The following PTPRS variants were observed in gnomAD, a reference collection of about 807,000 sequenced individuals.
The protein encoded by PTPRS is receptor-type tyrosine-protein phosphatase S.
PTPRS carries 63 observed loss-of-function variants against 215.3 expected under a neutral mutation model. The observed-to-expected ratio is 0.29, with a 90% CI of 0.24 to 0.36. PTPRS has a LOEUF of 0.36. Ranked by LOEUF, PTPRS falls within the 10% of genes least tolerant of loss-of-function variation. The pLI, the probability that PTPRS is intolerant of heterozygous loss-of-function variation, is 1.00. For synonymous variants in PTPRS, 1,404 were observed against 1,191.4 expected, an observed-to-expected ratio of 1.18 and a Z score of -3.68; for missense variants, 2,258 against 2,825.8, an observed-to-expected ratio of 0.80 and a Z score of 4.56.
intron 1 of PTPRS, among the ~76,000 whole-genome samples, chr19:5,308,454 C>T (rs1271522990): frequency 6.6e-6 from 1 of 152,192 alleles, no homozygotes; most frequent in Non-Finnish European, 1.5e-5. Flanking sequence ...AAGCAAACAG[C>T]TGAAGCCCAG....
At chr19:5,248,388 GA>G (rs201415806) in intron 9 of PTPRS, among the ~76,000 whole-genome samples, 30,532 of 145,226 alleles carry the variant, frequency 0.21, 3,863 homozygotes, top group Non-Finnish European at 0.3. Context: ...AAAGCAAGAA[GA>G]AAAAAAAAAA....
chr19:5,228,537 T>A (rs981250464), intron 16 of PTPRS, among the ~76,000 whole-genome samples: 6 of 151,658 alleles, frequency 4.0e-5, no homozygotes, highest in African/African-American at 1.5e-4. Context: ...AGAGAAGGGG[T>A]TTTGCCCTGT....
At position 5,219,942 on chromosome 19, in the gene PTPRS, C is replaced by G. The variant is rs1471464737; in HGVS notation, c.3762G>C (p.Glu1254Asp). 1 of 1,613,566 alleles carries G rather than the reference C, an allele frequency of 6.2e-7. No individual in the cohort carries two copies. The highest frequency in any genetic ancestry group is 1.3e-5 in the African/African-American group (1 of 75,050). ...LFVLAVLQKS[E>D]PTFAASPFSD... Reference sequence around the variant, plus strand: ...GCGGACACCATTCAGGACTTACAGGCTCGCTCTTCTGAAGCACGGCAAGCA... The same window carrying G: ...GCGGACACCATTCAGGACTTACAGGGTCGCTCTTCTGAAGCACGGCAAGCA... The change falls in exon 22 of 38, where the codon GAG becomes GAC. Residue 1254 changes from glutamate to aspartate, a missense_variant. By Grantham distance (45) the Glu-to-Asp change is conservative. Coordinates refer to ENST00000262963, the MANE Select transcript of PTPRS (RefSeq NM_002850.4).
At chr19:5,317,419 T>C (rs2049907418) in intron 1 of PTPRS, among the ~76,000 whole-genome samples, 2 of 151,622 alleles carry the variant, frequency 1.3e-5, no homozygotes, top group African/African-American at 4.9e-5. Flanking sequence ...TTGCAGTGAG[T>C]CGAGATTGTG....
chr19:5,207,321 G>A (rs1476434996), intron 37 of PTPRS, among the ~76,000 whole-genome samples: 9 of 152,216 alleles, frequency 5.9e-5, no homozygotes, highest in Non-Finnish European at 1.3e-4. Context: ...CTGACCTCGG[G>A]TGATCTGCCT....
intron 25 of PTPRS, among the ~76,000 whole-genome samples, chr19:5,217,146 G>A (rs1034690918): frequency 1.3e-5 from 2 of 152,230 alleles, no homozygotes; most frequent in African/African-American, 4.8e-5. Flanking sequence ...GCAGGGAAAG[G>A]ACATATGGGC....
chr19:5,321,276 A>G (rs2050017760), intron 1 of PTPRS, among the ~76,000 whole-genome samples: 2 of 152,328 alleles, frequency 1.3e-5, no homozygotes, highest in East Asian at 3.9e-4. Context: ...CTGTCTCAAC[A>G]AAGAAAAATA....
At chr19:5,273,249 T>C (rs1421245452) in intron 4 of PTPRS, 193 bp downstream of exon 4, 4 of 675,632 alleles carry the variant, frequency 5.9e-6, no homozygotes, top group Non-Finnish European at 1.0e-5. Context: ...CTTTCTTTCT[T>C]GCAAAGGCAC....
intron 28 of PTPRS, among the ~76,000 whole-genome samples, chr19:5,214,970 C>T (rs2041284332): frequency 6.6e-6 from 1 of 152,248 alleles, no homozygotes; most frequent in Non-Finnish European, 1.5e-5. Flanking sequence ...GCATCCCTGG[C>T]CTCCGCCCAC....
intron 1 of PTPRS, among the ~76,000 whole-genome samples, chr19:5,336,752 C>A (rs1446812088): frequency 8.5e-6 from 1 of 117,636 alleles, no homozygotes; most frequent in Non-Finnish European, 1.7e-5. Flanking sequence ...CTGTCCCCAC[C>A]GGAGGCTGAG....
chr19:5,333,869 G>A (rs1040854811), intron 1 of PTPRS, among the ~76,000 whole-genome samples: 7 of 152,144 alleles, frequency 4.6e-5, no homozygotes, highest in Admixed American at 2.0e-4. Flanking sequence ...GTGAATATTC[G>A]AATGAATGCA....
chr19:5,332,777 A>G (rs1238307242), intron 1 of PTPRS, among the ~76,000 whole-genome samples: 1 of 152,228 alleles, frequency 6.6e-6, no homozygotes, highest in East Asian at 1.9e-4. Flanking sequence ...AGCATTCCCA[A>G]CATTCCAGGT....
rs1181690388 is a variant in PTPRS at position 5,210,505 on chromosome 19, C to T, written c.5451G>A (p.Gln1817=). The change falls in exon 35 of 38, where the codon CAG becomes CAA. Residue 1817 remains glutamine, a synonymous_variant. Coordinates refer to ENST00000262963, the MANE Select transcript of PTPRS (RefSeq NM_002850.4). The surrounding 1 kb of genome is among the most constrained non-coding windows in gnomAD (Gnocchi z 4.5). ...TGACCTTGAACTCTCGCAGGATATA[C>T]TGAGGCATGTTGTATTCTGCCATCG... ...VDPMAEYNMP[Q]YILREFKVTD... is the part of the protein sequence containing the mutation. 5.6e-6 allele frequency: 9 copies of T among 1,614,110 alleles called. No homozygotes were observed. The highest frequency in any genetic ancestry group is 4.0e-5 in the African/African-American group (3 of 74,948).
rs1217405014 is a variant in PTPRS, at chr19:5,257,108, C to G, written c.706+909G>C. 6.7e-6 allele frequency among the ~76,000 whole-genome samples: 1 copy of G among 150,162 alleles called. No homozygotes were observed. The highest frequency in any genetic ancestry group is 1.5e-5 in the Non-Finnish European group (1 of 67,576). ...GTGAAAGGGAGGAGGAGGAGGAAGA[C>G]TACAACTTCTGAAAAGACCCAAGAG... On this transcript the variant is annotated intron_variant, in intron 8 of 37. Transcript: ENST00000262963. The surrounding 1 kb of genome is among the most constrained non-coding windows in gnomAD (Gnocchi z 4.4).
Position 5,222,825 on chromosome 19 carries a change from C to G in PTPRS, c.2967G>C (p.Pro989=), listed in dbSNP as rs199735176. 1.9e-6 allele frequency: 3 copies of G among 1,595,166 alleles called. No individual in the cohort carries two copies. The highest frequency in any genetic ancestry group is 2.5e-6 in the Non-Finnish European group (3 of 1,177,046). Residue 989 remains proline, a synonymous_variant, in exon 18 of 38, where the codon CCG becomes CCC. Transcript: ENST00000262963. ...RETELPAAAE[P]GAENALTLQG... is the part of the protein sequence containing the mutation. ...GCAGCGTGAGCGCGTTCTCCGCGCCCGGCTCAGCCGCTGCCGGCAGCTCAG... is the reference window on the plus strand; with the variant it reads ...GCAGCGTGAGCGCGTTCTCCGCGCCGGGCTCAGCCGCTGCCGGCAGCTCAG...
At position 5,222,867 on chromosome 19, in the gene PTPRS, C is replaced by G. The variant is rs1333970926; in HGVS notation, c.2925G>C (p.Leu975=). The change falls in exon 18 of 38, where the codon CTG becomes CTC. Residue 975 remains leucine, a synonymous_variant. Transcript: ENST00000262963. The stretch of plus-strand genomic sequence containing the variant: ...GCAGCTCAGTCTCTCGGGCAGGGCC[C>G]AGGGCACCGGCCTCCCGCACGGCCA... ...YTVAVREAGA[L]GPARETELPA... 1 of 1,586,128 alleles carries G rather than the reference C, an allele frequency of 6.3e-7. No homozygotes were observed. The highest frequency in any genetic ancestry group is 8.5e-7 in the Non-Finnish European group (1 of 1,172,488).
At chr19:5,216,809 G>A in intron 25 of PTPRS, 42 bp from the exon 26 acceptor site, 2 of 1,401,162 alleles carry the variant, frequency 1.4e-6, no homozygotes, top group Non-Finnish European at 9.9e-7. Flanking sequence ...CATGCAGGGG[G>A]TAGGGGGGGG....
rs1055074457 is a variant in PTPRS, at chr19:5,216,659, CAA to C, written c.4096+59_4096+60del. 48 of 1,355,144 alleles carry C rather than the reference CAA, an allele frequency of 3.5e-5. No individual in the cohort carries two copies. The African/African-American group carries it at 4.5e-4, about 13-fold the overall frequency. The allele number at this position is 1,355,144 out of a possible 1,614,324, so 83.9% of individuals were successfully genotyped here. On this transcript the variant is annotated intron_variant, in intron 26 of 37. Transcript: ENST00000262963. ...GAGACAGGAGACACGATGGAGAAAC[CAA>C]AGAGGAAATGAACGGGGGCGGGGGC...
At chr19:5,332,279 C>T (rs1324811169) in intron 1 of PTPRS, among the ~76,000 whole-genome samples, 1 of 152,160 alleles carries the variant, frequency 6.6e-6, no homozygotes, top group Non-Finnish European at 1.5e-5. Flanking sequence ...AGGTATGCAC[C>T]ACCATGCCCA....
Sources: allele counts gnomAD v4.1 joint callset (sites outside exome capture counted in the v4.1 genomes callset), GRCh38; gene constraint gnomAD v4.1.1; non-coding constraint Gnocchi (gnomAD v3.1); transcripts MANE v1.5; gene names NCBI Gene and HGNC (gene_info 2026-07-23, HGNC 2026-07-21).